Variants in SIPA1L1 observed in about 807,000 individuals in gnomAD.
SIPA1L1 encodes signal-induced proliferation-associated 1-like protein 1.
SIPA1L1 carries 26 observed loss-of-function variants against 162.7 expected under a neutral mutation model. That is an observed-to-expected ratio of 0.16 (90% CI 0.12 to 0.22). The LOEUF is 0.22. Among genes scored for constraint, SIPA1L1 ranks in the 10% least tolerant of loss-of-function variants. The pLI is 1.00. For synonymous variants in SIPA1L1, 829 were observed against 837.4 expected, an observed-to-expected ratio of 0.99 and a Z score of 0.17; for missense variants, 1,874 against 2,241.0, an observed-to-expected ratio of 0.84 and a Z score of 3.31.
chr14:71,671,806 C>T, intron 11 of SIPA1L1, 114 bp downstream of exon 11: 1 of 747,280 alleles, frequency 1.3e-6, no homozygotes, highest in Non-Finnish European at 2.1e-6. Flanking sequence ...TCTGAAAACT[C>T]CCTTGATGTG....
intron 12 of SIPA1L1, among the ~76,000 whole-genome samples, chr14:71,674,570 G>GTTTTT (rs146359962): frequency 8.8e-6 from 1 of 114,214 alleles, no homozygotes; most frequent in African/African-American, 3.3e-5. Context: ...GTTTTTTTTT[G>GTTTTT]TTTTTTTTTT....
At position 71,403,599 on chromosome 14, in the gene SIPA1L1, CAA is replaced by C. The variant is rs147285643; in HGVS notation, c.-465+82442_-465+82443del. The stretch of plus-strand genomic sequence containing the variant: ...TAGGTGACAGGCTGAGACTCTGTCT[CAA>C]AAAAAAAAAAAAAAAAAAAAAAATC... On this transcript the variant is annotated intron_variant, in intron 2 of 23. Transcript: ENST00000381232. Among the ~76,000 whole-genome samples, 670 of 69,254 alleles carry C rather than the reference CAA, an allele frequency of 9.7e-3. 2 individuals are homozygous for C. The highest frequency in any genetic ancestry group is 0.022 in the African/African-American group (398 of 18,012). 45.4% of individuals were successfully genotyped at this position (69,254 alleles called of 152,430 possible). A position where few individuals can be genotyped will look rare whatever the true frequency, so the allele number is the denominator to read the frequency against.
At chr14:71,580,727 A>G (rs1310516172) in intron 4 of SIPA1L1, among the ~76,000 whole-genome samples, 1 of 152,160 alleles carries the variant, frequency 6.6e-6, no homozygotes, top group Non-Finnish European at 1.5e-5. Flanking sequence ...GGTTTAACAA[A>G]GTATAGTATC....
chr14:71,537,489 G>A (rs2054004943), intron 4 of SIPA1L1, among the ~76,000 whole-genome samples: 1 of 152,214 alleles, frequency 6.6e-6, no homozygotes, highest in South Asian at 2.1e-4. Flanking sequence ...ACAGGCATGA[G>A]CCACCAATCC....
At chr14:71,580,609 G>C (rs1433736906) in intron 4 of SIPA1L1, among the ~76,000 whole-genome samples, 2 of 152,114 alleles carry the variant, frequency 1.3e-5, no homozygotes, top group Admixed American at 1.3e-4. Flanking sequence ...ACTTTATACA[G>C]CCTTCTGTGA....
chr14:71,379,516 C>T (rs1472153959), intron 2 of SIPA1L1: 1 of 151,850 alleles, frequency 6.6e-6, no homozygotes, highest in African/African-American at 2.4e-5. Flanking sequence ...CGCTGTGTTG[C>T]CCAGTACTGG....
intron 2 of SIPA1L1, among the ~76,000 whole-genome samples, chr14:71,440,003 G>A (rs1018057773): frequency 1.3e-5 from 2 of 152,172 alleles, no homozygotes; most frequent in African/African-American, 4.8e-5. Context: ...TCATATACAG[G>A]CCTTGCCCTC....
intron 4 of SIPA1L1, among the ~76,000 whole-genome samples, chr14:71,537,691 T>G (rs549052060): frequency 6.6e-6 from 1 of 151,512 alleles, no homozygotes; most frequent in African/African-American, 2.4e-5. Context: ...TCCTTTTCTC[T>G]CTCTCTCTTT....
At chr14:71,682,358 A>T (rs568227053) in intron 12 of SIPA1L1, among the ~76,000 whole-genome samples, 1 of 152,234 alleles carries the variant, frequency 6.6e-6, no homozygotes, top group African/African-American at 2.4e-5. Context: ...TTTAATCTGT[A>T]TTCTTCAGTC....
chr14:71,363,372 A>AC (rs1217482646), intron 2 of SIPA1L1, among the ~76,000 whole-genome samples: 1 of 152,210 alleles, frequency 6.6e-6, no homozygotes, highest in Non-Finnish European at 1.5e-5. Context: ...CCAAACAAAG[A>AC]CAGAAACAAC....
intron 2 of SIPA1L1, among the ~76,000 whole-genome samples, chr14:71,356,698 A>G (rs1435901911): frequency 6.6e-6 from 1 of 152,084 alleles, no homozygotes; most frequent in African/African-American, 2.4e-5. Context: ...CCTGGGCAAC[A>G]GAGTGAGACC....
chr14:71,578,208 CTTTTTAT>C (rs912198561), intron 4 of SIPA1L1, among the ~76,000 whole-genome samples: 1 of 152,110 alleles, frequency 6.6e-6, no homozygotes, highest in East Asian at 1.9e-4. Context: ...TGCTCCCGGA[CTTTTTAT>C]TTTTTATTTT....
intron 2 of SIPA1L1, among the ~76,000 whole-genome samples, chr14:71,503,648 C>T (rs1008463589): frequency 2.6e-5 from 4 of 151,976 alleles, no homozygotes; most frequent in African/African-American, 9.7e-5. Flanking sequence ...CCAAAAAAAT[C>T]GTCACTGAAA....
intron 5 of SIPA1L1, among the ~76,000 whole-genome samples, chr14:71,608,024 C>G (rs2037731860): frequency 6.6e-6 from 1 of 151,972 alleles, no homozygotes. Flanking sequence ...ATTAGGTGCT[C>G]AAAAAAAATT....
chr14:71,609,770 T>G (rs1413189739), intron 5 of SIPA1L1, among the ~76,000 whole-genome samples: 1 of 151,916 alleles, frequency 6.6e-6, no homozygotes, highest in Non-Finnish European at 1.5e-5. Flanking sequence ...CCTGGCCAAT[T>G]CTTTGTAGTG....
At chr14:71,575,172 C>A (rs1205393593) in intron 4 of SIPA1L1, 1 of 152,162 alleles carries the variant, frequency 6.6e-6, no homozygotes, top group Non-Finnish European at 1.5e-5. Context: ...TAAGTGGATT[C>A]TTTGGCTCTT....
At chr14:71,327,228 G>C (rs1321595183) in intron 2 of SIPA1L1, among the ~76,000 whole-genome samples, 1 of 151,556 alleles carries the variant, frequency 6.6e-6, no homozygotes, top group Admixed American at 6.6e-5. Flanking sequence ...AACTACAGGC[G>C]TGTGCCACCA....
At chr14:71,636,349 T>C (rs578156854) in intron 7 of SIPA1L1, among the ~76,000 whole-genome samples, 1 of 152,328 alleles carries the variant, frequency 6.6e-6, no homozygotes, top group Admixed American at 6.5e-5. Context: ...AAAGTATATT[T>C]TCTAATCAAA....
intron 7 of SIPA1L1, among the ~76,000 whole-genome samples, chr14:71,630,990 C>A (rs1356998830): frequency 6.6e-6 from 1 of 151,944 alleles, no homozygotes; most frequent in African/African-American, 2.4e-5. Flanking sequence ...GTCATTTATA[C>A]TAGGCATTTC....
Sources: gnomAD v4.1 joint callset for allele counts (sites outside exome capture counted in the v4.1 genomes callset) on GRCh38, gnomAD v4.1.1 for gene constraint, MANE v1.5 for transcripts, NCBI Gene and HGNC (gene_info 2026-07-23, HGNC 2026-07-21) for gene names.